Variants in PIGU observed in about 807,000 individuals in gnomAD.
PIGU encodes the protein phosphatidylinositol glycan anchor biosynthesis class U, also known as GPI-anchor transamidase component PIGU.
A neutral mutation model predicts 49.9 loss-of-function variants in PIGU; 24 were observed. The ratio of observed to expected loss-of-function variants is 0.48; its 90% CI spans 0.35 to 0.68. The LOEUF is 0.68. PIGU is among the 30% of genes least tolerant of loss of function. PIGU has a pLI of 0.01. For missense variants in PIGU, 490 were observed against 532.6 expected, an observed-to-expected ratio of 0.92 and a Z score of 0.79; for synonymous variants, 220 against 205.7, an observed-to-expected ratio of 1.07 and a Z score of -0.59.
At chr20:34,561,741 C>T (rs890148015) in intron 11 of PIGU, among the ~76,000 whole-genome samples, 2 of 152,034 alleles carry the variant, frequency 1.3e-5, no homozygotes, top group African/African-American at 2.4e-5. Context: ...CGCCCTCTCC[C>T]GGCTCCACCT....
At chr20:34,564,430 A>G (rs1246612679) in intron 11 of PIGU, among the ~76,000 whole-genome samples, 1 of 152,230 alleles carries the variant, frequency 6.6e-6, no homozygotes, top group East Asian at 1.9e-4. Context: ...CTACTCGGGA[A>G]GCCGAGGCAA....
In PIGU at chr20:34,639,364, G is replaced by A. The variant is rs182942342; in HGVS notation, c.319-1379C>T. On this transcript the variant is annotated intron_variant, in intron 4 of 11. Transcript: ENST00000217446. The stretch of plus-strand genomic sequence containing the variant: ...TGCAGTGAGCCGAGATTATACCACC[G>A]CACTCCAGCCTGGGCGACAGAGCAA... Among the ~76,000 whole-genome samples the A allele has an allele frequency of 3.7e-4, 56 of 152,148 alleles. 1 individual carries two copies. In the East Asian group the frequency reaches 0.01, roughly 28 times the overall value.
intron 6 of PIGU, among the ~76,000 whole-genome samples, chr20:34,628,834 G>C (rs1382208596): frequency 6.6e-6 from 1 of 152,146 alleles, no homozygotes. Context: ...CTGGGCGACA[G>C]AGCGAGACTG....
chr20:34,578,072 T>C (rs2146702475), intron 10 of PIGU, among the ~76,000 whole-genome samples: 1 of 152,336 alleles, frequency 6.6e-6, no homozygotes, highest in Admixed American at 6.5e-5. Flanking sequence ...TGGGGAAGAA[T>C]GGCTGGTAGT....
chr20:34,611,648 GAAAAA>G (rs146531122), intron 7 of PIGU, among the ~76,000 whole-genome samples: 1 of 65,012 alleles, frequency 1.5e-5, no homozygotes, highest in Non-Finnish European at 3.0e-5. Flanking sequence ...TCAAGTCTCA[GAAAAA>G]AAAAAAAAAA....
intron 6 of PIGU, among the ~76,000 whole-genome samples, chr20:34,628,637 G>C (rs960730997): frequency 6.6e-6 from 1 of 152,112 alleles, no homozygotes; most frequent in Non-Finnish European, 1.5e-5. Flanking sequence ...GATCACTTGA[G>C]GTCAGGAGTT....
At chr20:34,634,557 T>C in intron 6 of PIGU, 58 bp downstream of exon 6, 2 of 1,524,060 alleles carry the variant, frequency 1.3e-6, no homozygotes, top group Non-Finnish European at 1.8e-6. Context: ...AGCACAAGTG[T>C]TGCAAAATCT....
At chr20:34,650,698 C>CTTTTTTTTTTTTTTTTT (rs1568658806) in intron 2 of PIGU, among the ~76,000 whole-genome samples, 12 of 43,962 alleles carry the variant, frequency 2.7e-4, no homozygotes, top group African/African-American at 3.2e-4. Context: ...TTCTTTTTTT[C>CTTTTTTTTTTTTTTTTT]TCTTTTTTTT....
chr20:34,595,837 T>C (rs1211802111), intron 7 of PIGU, among the ~76,000 whole-genome samples: 1 of 152,200 alleles, frequency 6.6e-6, no homozygotes, highest in Non-Finnish European at 1.5e-5. Context: ...CAGTGGCTCA[T>C]GCCTTAATCC....
At chr20:34,565,867 T>C (rs1162296814) in intron 11 of PIGU, among the ~76,000 whole-genome samples, 1 of 128,050 alleles carries the variant, frequency 7.8e-6, no homozygotes, top group Non-Finnish European at 1.6e-5. Context: ...GGTGCACACA[T>C]ACACGCATGC....
At chr20:34,592,798 A>G (rs1157188322) in intron 7 of PIGU, among the ~76,000 whole-genome samples, 1 of 152,160 alleles carries the variant, frequency 6.6e-6, no homozygotes, top group Non-Finnish European at 1.5e-5. Flanking sequence ...TAACAGTATC[A>G]TGGTTATATA....
intron 2 of PIGU, among the ~76,000 whole-genome samples, chr20:34,645,789 A>C (rs1032617116): frequency 1.8e-4 from 28 of 151,996 alleles, no homozygotes; most frequent in African/African-American, 6.5e-4. Context: ...CCCAACTACT[A>C]GGGAGGCTGA....
In PIGU at chr20:34,560,566, A is replaced by C. The variant is rs969960645; in HGVS notation, c.*300T>G. 3 of 364,322 alleles carry C rather than the reference A, an allele frequency of 8.2e-6. No homozygotes were observed. Among genetic ancestry groups the C allele is most frequent in the African/African-American group, 2.1e-5 (1 of 47,440 alleles). The allele number at this position is 364,322 out of a possible 1,614,324, so 22.6% of individuals were successfully genotyped here. ...GTAGACTTCATAACAAAAAACATTT[A>C]TTAAGTAGCCACAATCTAACAAGCC... On this transcript the variant is annotated 3_prime_UTR_variant, in exon 12 of 12. Coordinates refer to ENST00000217446, the MANE Select transcript of PIGU (RefSeq NM_080476.5).
At chr20:34,574,410 T>C (rs1428752504) in intron 11 of PIGU, among the ~76,000 whole-genome samples, 1 of 152,120 alleles carries the variant, frequency 6.6e-6, no homozygotes, top group Non-Finnish European at 1.5e-5. Context: ...TAACAGGGAA[T>C]CTGCATTTTT....
At chr20:34,650,341 G>A (rs570340744) in intron 2 of PIGU, among the ~76,000 whole-genome samples, 3 of 152,006 alleles carry the variant, frequency 2.0e-5, no homozygotes, top group East Asian at 3.9e-4. Flanking sequence ...CACAATCTCA[G>A]CTCACTGCAA....
intron 6 of PIGU, among the ~76,000 whole-genome samples, chr20:34,618,308 G>A (rs1985086399): frequency 6.6e-6 from 1 of 152,150 alleles, no homozygotes; most frequent in African/African-American, 2.4e-5. Flanking sequence ...TAAGACAACA[G>A]GATACTCTAA....
chr20:34,583,149 A>G (rs892316424), intron 9 of PIGU, among the ~76,000 whole-genome samples: 1 of 152,248 alleles, frequency 6.6e-6, no homozygotes, highest in African/African-American at 2.4e-5. Flanking sequence ...GCTGTGCAGC[A>G]AGTGCCTCAG....
intron 7 of PIGU, among the ~76,000 whole-genome samples, chr20:34,602,231 G>A (rs982910144): frequency 3.3e-5 from 5 of 151,856 alleles, no homozygotes; most frequent in African/African-American, 4.8e-5. Context: ...GCAGTGAGCC[G>A]AGACTGCGCC....
At chr20:34,647,432 T>C (rs954381465) in intron 2 of PIGU, among the ~76,000 whole-genome samples, 3 of 151,038 alleles carry the variant, frequency 2.0e-5, no homozygotes, top group Non-Finnish European at 2.9e-5. Context: ...TGGCTAATTT[T>C]TGTATTTTTA....
Sources: allele counts gnomAD v4.1 joint callset (sites outside exome capture counted in the v4.1 genomes callset), GRCh38; gene constraint gnomAD v4.1.1; transcripts MANE v1.5; gene names NCBI Gene and HGNC (gene_info 2026-07-23, HGNC 2026-07-21).